LARP1B: variants seen among roughly 807,000 people sequenced by gnomAD.
The protein encoded by LARP1B is La ribonucleoprotein 1B.
A neutral mutation model predicts 114.2 loss-of-function variants in LARP1B; 76 were observed. The observed-to-expected ratio is 0.67, with a 90% CI of 0.55 to 0.81. The LOEUF is 0.81. Ranked by LOEUF, LARP1B falls within the 30% of genes least tolerant of loss-of-function variation. The pLI is 0.00. For synonymous variants in LARP1B, 345 were observed against 348.0 expected, an observed-to-expected ratio of 0.99 and a Z score of 0.10; for missense variants, 1,014 against 1,075.8, an observed-to-expected ratio of 0.94 and a Z score of 0.80.
intron 12 of LARP1B, among the ~76,000 whole-genome samples, chr4:128,174,459 G>C (rs1222046906): frequency 1.3e-5 from 2 of 151,764 alleles, no homozygotes; most frequent in Non-Finnish European, 2.9e-5. Flanking sequence ...TAAACATTTT[G>C]TAAAATGTTT....
At chr4:128,206,633 G>T in intron 18 of LARP1B, 96 bp downstream of exon 18, 1 of 1,474,638 alleles carries the variant, frequency 6.8e-7, no homozygotes, top group Non-Finnish European at 8.9e-7. Flanking sequence ...TTTTCTTCAG[G>T]GCAAACCATT....
At chr4:128,130,636 A>G (rs1027078534) in intron 11 of LARP1B, among the ~76,000 whole-genome samples, 2 of 152,244 alleles carry the variant, frequency 1.3e-5, no homozygotes, top group African/African-American at 4.8e-5. Flanking sequence ...ACAATTTCGT[A>G]TAAAACTGAA....
At chr4:128,107,708 C>G (rs567912555) in intron 9 of LARP1B, 46 of 1,441,426 alleles carry the variant, frequency 3.2e-5, no homozygotes, top group Non-Finnish European at 4.1e-5. Flanking sequence ...GTTACCAATA[C>G]GCTTTAATCT....
At chr4:128,144,381 T>G (rs144052050) in intron 11 of LARP1B, among the ~76,000 whole-genome samples, 29 of 152,356 alleles carry the variant, frequency 1.9e-4, no homozygotes, top group African/African-American at 7.0e-4. Flanking sequence ...TTTCATCAAA[T>G]TTGGGCACAT....
In LARP1B at chr4:128,080,541, G is replaced by A. The variant is rs1296577898; in HGVS notation, c.218-1624G>A. On this transcript the variant is annotated intron_variant, in intron 4 of 19. Coordinates refer to ENST00000326639, the MANE Select transcript of LARP1B (RefSeq NM_018078.4). ...GCAGGATTTATAGGATATCAATATT[G>A]TAGTTGCACACTAATATTTATTTTT... is the stretch of plus-strand genomic sequence containing the variant. Among the ~76,000 whole-genome samples, 5 of 152,222 alleles carry A rather than the reference G, an allele frequency of 3.3e-5. No individual in the cohort carries two copies. The East Asian group carries it at 9.6e-4, about 29-fold the overall frequency.
Position 128,062,372 on chromosome 4 carries a change from A to G in LARP1B, c.-78+971A>G, listed in dbSNP as rs1361196054. On this transcript the variant is annotated intron_variant, in intron 1 of 19. Coordinates refer to ENST00000326639, the MANE Select transcript of LARP1B (RefSeq NM_018078.4). ...CGGAGGTAATTTGTTCCAAGGTGTC[A>G]TTCACTCTGCCTATTTACAGACATG... 2.0e-5 allele frequency among the ~76,000 whole-genome samples: 3 copies of G among 152,168 alleles called. No homozygotes were observed. In the South Asian group the frequency reaches 6.2e-4, roughly 31 times the overall value.
At chr4:128,067,185 G>A (rs1172824653) in intron 1 of LARP1B, among the ~76,000 whole-genome samples, 3 of 151,840 alleles carry the variant, frequency 2.0e-5, no homozygotes, top group South Asian at 2.1e-4. Context: ...GTTCACAGTG[G>A]GTACCTCTAA....
At chr4:128,154,830 A>G (rs991919950) in intron 11 of LARP1B, among the ~76,000 whole-genome samples, 2 of 152,124 alleles carry the variant, frequency 1.3e-5, no homozygotes, top group African/African-American at 2.4e-5. Flanking sequence ...TTGGAGTGCA[A>G]TGGTGTGATC....
intron 5 of LARP1B, among the ~76,000 whole-genome samples, chr4:128,087,077 G>A (rs1773894739): frequency 6.6e-6 from 1 of 151,992 alleles, no homozygotes; most frequent in Non-Finnish European, 1.5e-5. Flanking sequence ...GGGCCACCAT[G>A]TCTGGCTAAT....
intron 8 of LARP1B, 50 bp downstream of exon 8, chr4:128,098,380 T>G: frequency 6.6e-7 from 1 of 1,526,646 alleles, no homozygotes; most frequent in South Asian, 1.2e-5. Context: ...AAATTTCCTT[T>G]GTACCTAAAA....
intron 15 of LARP1B, among the ~76,000 whole-genome samples, chr4:128,194,703 A>C (rs952576631): frequency 6.7e-6 from 1 of 149,270 alleles, no homozygotes; most frequent in African/African-American, 2.5e-5. Flanking sequence ...AAAAAAAAAA[A>C]AAAAAAAAGT....
chr4:128,093,116 C>A, intron 7 of LARP1B: 2 of 884,218 alleles, frequency 2.3e-6, no homozygotes, highest in Non-Finnish European at 2.7e-6. Context: ...GTTGTTCTAG[C>A]AGTAGGGATT....
intron 7 of LARP1B, among the ~76,000 whole-genome samples, chr4:128,097,149 C>T (rs1778358512): frequency 6.6e-6 from 1 of 152,222 alleles, no homozygotes; most frequent in African/African-American, 2.4e-5. Flanking sequence ...CCACCCACCT[C>T]AGCCTCCGAA....
chr4:128,212,511 G>T (rs1302239592), downstream of LARP1B, among the ~76,000 whole-genome samples: 1 of 152,084 alleles, frequency 6.6e-6, no homozygotes, highest in African/African-American at 2.4e-5. Context: ...GCTGGGCGTG[G>T]TGGTGCATGT....
chr4:128,154,366 A>T (rs1346794876), intron 11 of LARP1B, among the ~76,000 whole-genome samples: 2 of 152,140 alleles, frequency 1.3e-5, no homozygotes, highest in African/African-American at 4.8e-5. Flanking sequence ...ATCCTTCATC[A>T]TCGTAAAATA....
intron 15 of LARP1B, among the ~76,000 whole-genome samples, chr4:128,192,133 C>A (rs1355772392): frequency 1.3e-5 from 2 of 152,168 alleles, no homozygotes; most frequent in Non-Finnish European, 2.9e-5. Context: ...TTGGTGACAT[C>A]ATTGTCTCAA....
At chr4:128,081,774 A>T (rs1770567372) in intron 4 of LARP1B, among the ~76,000 whole-genome samples, 1 of 152,152 alleles carries the variant, frequency 6.6e-6, no homozygotes, top group African/African-American at 2.4e-5. Context: ...ACCAGCTATC[A>T]CCCAGGCTGG....
intron 15 of LARP1B, among the ~76,000 whole-genome samples, chr4:128,181,694 G>A (rs1748444738): frequency 6.6e-6 from 1 of 151,696 alleles, no homozygotes; most frequent in Non-Finnish European, 1.5e-5. Context: ...CCTGTGTTGA[G>A]CAAGTTTATC....
intron 7 of LARP1B, among the ~76,000 whole-genome samples, chr4:128,094,872 C>T (rs921045640): frequency 2.0e-5 from 3 of 152,092 alleles, no homozygotes; most frequent in Non-Finnish European, 4.4e-5. Flanking sequence ...CTGCCTCAGC[C>T]TCCCCAGTAG....
Sources: allele counts gnomAD v4.1 joint callset (sites outside exome capture counted in the v4.1 genomes callset), GRCh38; gene constraint gnomAD v4.1.1; transcripts MANE v1.5; gene names NCBI Gene and HGNC (gene_info 2026-07-23, HGNC 2026-07-21).